Variants in NCKAP5 observed in about 807,000 individuals in gnomAD.
NCKAP5 encodes the protein NCK associated protein 5.
In NCKAP5, 92 loss-of-function variants were observed where a neutral mutation model predicts 167.0. The ratio of observed to expected loss-of-function variants is 0.55; its 90% CI spans 0.47 to 0.66. The LOEUF is 0.66. Among genes scored for constraint, NCKAP5 ranks in the 30% least tolerant of loss-of-function variants. The pLI is 0.00. For missense variants in NCKAP5, 2,378 were observed against 2,315.0 expected (o/e 1.03, Z -0.56); for synonymous variants, 891 against 877.4 (o/e 1.02, Z -0.27).
chr2:132,895,229 G>T (rs938388229), intron 8 of NCKAP5, among the ~76,000 whole-genome samples: 1 of 151,830 alleles, frequency 6.6e-6, no homozygotes, highest in Non-Finnish European at 1.5e-5. Flanking sequence ...TACTCTGGAG[G>T]CTGAGGCAGG....
At chr2:132,945,517 T>C (rs547581347) in intron 8 of NCKAP5, among the ~76,000 whole-genome samples, 2 of 151,992 alleles carry the variant, frequency 1.3e-5, no homozygotes, top group Admixed American at 1.3e-4. Context: ...CACGAATCGA[T>C]GGAAGTCATA....
At chr2:133,587,932 T>C in the NCKAP5 span, among the ~76,000 whole-genome samples, 3 of 152,208 alleles carry the variant, frequency 2.0e-5, no homozygotes, top group East Asian at 5.8e-4. Flanking sequence ...ATAGTGTTTT[T>C]CAAACCAGGA....
chr2:132,821,046 A>G (rs1686692481), intron 11 of NCKAP5, among the ~76,000 whole-genome samples: 1 of 152,196 alleles, frequency 6.6e-6, no homozygotes, highest in African/African-American at 2.4e-5. Context: ...GTGAATGTGG[A>G]GCTTCAAAAT....
chr2:133,462,831 G>C (rs1459614131), intron 3 of NCKAP5, among the ~76,000 whole-genome samples: 3 of 152,182 alleles, frequency 2.0e-5, no homozygotes, highest in Admixed American at 2.0e-4. Context: ...TATGTCAATA[G>C]GCAACAGACA....
intron 11 of NCKAP5, among the ~76,000 whole-genome samples, chr2:132,806,192 T>C (rs907507028): frequency 1.3e-5 from 2 of 152,208 alleles, no homozygotes; most frequent in Non-Finnish European, 2.9e-5. Flanking sequence ...GGCATGTGGG[T>C]TGGTTACACA....
chr2:133,379,893 G>T (rs771774113), intron 3 of NCKAP5, among the ~76,000 whole-genome samples: 7 of 152,088 alleles, frequency 4.6e-5, no homozygotes, highest in Non-Finnish European at 1.0e-4. Flanking sequence ...TCAGATGAAG[G>T]GAAACAGCCC....
At chr2:132,938,456 C>A (rs2149089144) in intron 8 of NCKAP5, among the ~76,000 whole-genome samples, 1 of 152,290 alleles carries the variant, frequency 6.6e-6, no homozygotes, top group Admixed American at 6.5e-5. Context: ...GATCTCAGGA[C>A]TGAGTCAGGA....
In NCKAP5 at chr2:132,993,888, T is replaced by C. The variant is rs1246515293; in HGVS notation, c.429+264A>G. On this transcript the variant is annotated intron_variant, in intron 7 of 19. Transcript: ENST00000409261. ...TGGCCACAGAGTACTGCAATGCCTA[T>C]ACAAGTCTCTCTCATTCACCACAAA... 2.0e-5 allele frequency among the ~76,000 whole-genome samples: 3 copies of C among 152,250 alleles called. No individual in the cohort carries two copies. In the East Asian group the frequency reaches 5.8e-4, roughly 29 times the overall value.
At chr2:133,045,640 T>C (rs1056682062) in intron 6 of NCKAP5, among the ~76,000 whole-genome samples, 1 of 152,172 alleles carries the variant, frequency 6.6e-6, no homozygotes, top group African/African-American at 2.4e-5. Flanking sequence ...TGCTAAGTTT[T>C]TTCTACATAC....
At chr2:133,659,389 C>T in the NCKAP5 span, among the ~76,000 whole-genome samples, 1 of 152,034 alleles carries the variant, frequency 6.6e-6, no homozygotes, top group African/African-American at 2.4e-5. Flanking sequence ...TATAAAACTT[C>T]CAGAAGAAAC....
intron 19 of NCKAP5, among the ~76,000 whole-genome samples, chr2:132,677,258 A>G (rs16839523): frequency 0.083 from 12,559 of 152,148 alleles, 1,696 homozygotes; most frequent in African/African-American, 0.28. Context: ...GGCTAAACAG[A>G]CAAGATGCAA....
intron 6 of NCKAP5, among the ~76,000 whole-genome samples, chr2:133,080,489 C>A (rs1273610318): frequency 6.6e-6 from 1 of 152,154 alleles, no homozygotes; most frequent in Non-Finnish European, 1.5e-5. Flanking sequence ...TGGAACACAG[C>A]CAACCCGTTG....
chr2:133,434,611 A>C (rs1690357665), intron 3 of NCKAP5, among the ~76,000 whole-genome samples: 1 of 152,186 alleles, frequency 6.6e-6, no homozygotes, highest in South Asian at 2.1e-4. Flanking sequence ...AATATGTGAA[A>C]ACACTTTACA....
chr2:132,805,974 T>C (rs1288962509), intron 11 of NCKAP5, among the ~76,000 whole-genome samples: 1 of 152,150 alleles, frequency 6.6e-6, no homozygotes, highest in African/African-American at 2.4e-5. Flanking sequence ...ATCATTTTTA[T>C]GACTTTGCGT....
intron 3 of NCKAP5, among the ~76,000 whole-genome samples, chr2:133,452,498 C>A (rs1691610415): frequency 1.3e-5 from 2 of 152,156 alleles, no homozygotes; most frequent in African/African-American, 4.8e-5. Flanking sequence ...CCAAATCTCA[C>A]TATAAAATTT....
At chr2:133,085,004 T>C (rs1301804812) in intron 6 of NCKAP5, among the ~76,000 whole-genome samples, 1 of 152,304 alleles carries the variant, frequency 6.6e-6, no homozygotes, top group African/African-American at 2.4e-5. Flanking sequence ...GTAGGTCTCC[T>C]GCATATTCTT....
At chr2:132,881,009 C>T (rs1044503332) in intron 8 of NCKAP5, among the ~76,000 whole-genome samples, 21 of 152,138 alleles carry the variant, frequency 1.4e-4, no homozygotes, top group Admixed American at 6.5e-4. Context: ...AATATAAATA[C>T]AGTACCACAA....
At chr2:132,898,453 T>C (rs975686287) in intron 8 of NCKAP5, among the ~76,000 whole-genome samples, 2 of 152,250 alleles carry the variant, frequency 1.3e-5, no homozygotes, top group African/African-American at 2.4e-5. Flanking sequence ...GAATCACAAA[T>C]GTTCTTAATG....
At chr2:132,676,449 G>A (rs1364206279) in intron 19 of NCKAP5, among the ~76,000 whole-genome samples, 4 of 151,798 alleles carry the variant, frequency 2.6e-5, no homozygotes, top group Admixed American at 6.6e-5. Flanking sequence ...TTAACTATGA[G>A]TCTGGGCTCC....
Sources: allele counts gnomAD v4.1 joint callset (sites outside exome capture counted in the v4.1 genomes callset), GRCh38; gene constraint gnomAD v4.1.1; transcripts MANE v1.5; gene names NCBI Gene and HGNC (gene_info 2026-07-23, HGNC 2026-07-21).